The following PDE3A variants were observed in gnomAD, a reference collection of about 807,000 sequenced individuals.
PDE3A encodes the protein phosphodiesterase 3A.
PDE3A carries 43 observed loss-of-function variants against 98.3 expected under a neutral mutation model. That is an observed-to-expected ratio of 0.44 (90% CI 0.34 to 0.56). The LOEUF is 0.56. Among genes scored for constraint, PDE3A ranks in the 20% least tolerant of loss-of-function variants. The pLI, the probability that PDE3A is intolerant of heterozygous loss-of-function variation, is 0.01. For synonymous variants in PDE3A, 663 were observed against 567.9 expected, an observed-to-expected ratio of 1.17 and a Z score of -2.38; for missense variants, 1,427 against 1,440.7, an observed-to-expected ratio of 0.99 and a Z score of 0.15.
At chr12:20,397,953 T>A (rs547377432) in intron 1 of PDE3A, among the ~76,000 whole-genome samples, 1 of 152,224 alleles carries the variant, frequency 6.6e-6, no homozygotes, top group Admixed American at 6.5e-5. Context: ...AGTAGATGAT[T>A]TATTGAATAC....
intron 1 of PDE3A, among the ~76,000 whole-genome samples, chr12:20,482,606 T>C (rs748109699): frequency 6.6e-6 from 1 of 152,234 alleles, no homozygotes; most frequent in Non-Finnish European, 1.5e-5. Flanking sequence ...ACTAAGTATG[T>C]CTGACTGTTT....
At chr12:20,415,468 G>A (rs948232489) in intron 1 of PDE3A, among the ~76,000 whole-genome samples, 11 of 151,226 alleles carry the variant, frequency 7.3e-5, no homozygotes, top group East Asian at 5.8e-4. Context: ...TTCCCAGACC[G>A]GAGTGCAGTG....
At chr12:20,553,880 C>G (rs1942288100) in intron 1 of PDE3A, among the ~76,000 whole-genome samples, 1 of 151,820 alleles carries the variant, frequency 6.6e-6, no homozygotes, top group Admixed American at 6.6e-5. Flanking sequence ...TGCGGTCATC[C>G]AGTTCTTCCT....
In PDE3A at chr12:20,686,086, A is replaced by G. The variant is rs1355425643; in HGVS notation, c.*5815A>G. 6.6e-6 allele frequency among the ~76,000 whole-genome samples: 1 copy of G among 152,190 alleles called. No individual in the cohort carries two copies. Among genetic ancestry groups the G allele is most frequent in the African/African-American group, 2.4e-5 (1 of 41,462 alleles). ...ATTTTCATATACTCAGAGGCTGAAT[A>G]TTTTGATATAATAAGAACTAGTATC... On this transcript the variant is annotated 3_prime_UTR_variant, in exon 16 of 16. Coordinates refer to ENST00000359062, the MANE Select transcript of PDE3A (RefSeq NM_000921.5).
chr12:20,452,056 G>A lies in PDE3A; in HGVS notation c.960+81812G>A, dbSNP rs549663016. Among the ~76,000 whole-genome samples the A allele has an allele frequency of 3.7e-4, 57 of 152,246 alleles. 1 individual carries two copies. The highest frequency in any genetic ancestry group is 2.7e-3 in the South Asian group (13 of 4,824). ...TGCTCCGATAGGTCTCAGCTTAGATGTTACTTCTTGGAATGCTTCCCTGGA... is the reference window on the plus strand; with the variant it reads ...TGCTCCGATAGGTCTCAGCTTAGATATTACTTCTTGGAATGCTTCCCTGGA... On this transcript the variant is annotated intron_variant, in intron 1 of 15. Transcript: ENST00000359062.
At chr12:20,486,720 G>A (rs550377508) in intron 1 of PDE3A, among the ~76,000 whole-genome samples, 4 of 152,240 alleles carry the variant, frequency 2.6e-5, no homozygotes, top group African/African-American at 7.2e-5. Flanking sequence ...TGCAACCCCC[G>A]CCTTCCAGGT....
Position 20,681,266 on chromosome 12 carries a change from C to T in PDE3A, c.*995C>T, listed in dbSNP as rs1299679868. Reference sequence around the variant, plus strand: ...AGTATGGATGTCACTCAACTAAGATCAAATCACCATTTAAGGGGATGGCAT... The same window carrying T: ...AGTATGGATGTCACTCAACTAAGATTAAATCACCATTTAAGGGGATGGCAT... On this transcript the variant is annotated 3_prime_UTR_variant, in exon 16 of 16. Coordinates refer to ENST00000359062, the MANE Select transcript of PDE3A (RefSeq NM_000921.5). 6.6e-6 allele frequency: 1 copy of T among 152,170 alleles called. No individual in the cohort carries two copies. The highest frequency in any genetic ancestry group is 1.5e-5 in the Non-Finnish European group (1 of 68,034). The allele number at this position is 152,170 out of a possible 1,614,324, so 9.4% of individuals were successfully genotyped here.
intron 5 of PDE3A, among the ~76,000 whole-genome samples, chr12:20,623,496 C>T (rs1275259512): frequency 6.6e-6 from 1 of 152,020 alleles, no homozygotes; most frequent in Non-Finnish European, 1.5e-5. Flanking sequence ...ATATTTTCTT[C>T]AAATTTCTGA....
chr12:20,676,111 T>C (rs1945631612), intron 15 of PDE3A, among the ~76,000 whole-genome samples: 1 of 152,168 alleles, frequency 6.6e-6, no homozygotes, highest in African/African-American at 2.4e-5. Context: ...GGTGGTTTTC[T>C]GTAGTGCTAA....
chr12:20,594,426 T>C (rs1394153980), intron 2 of PDE3A, among the ~76,000 whole-genome samples: 1 of 152,138 alleles, frequency 6.6e-6, no homozygotes, highest in African/African-American at 2.4e-5. Context: ...TAGAAATTCA[T>C]ATGAAGCCGA....
At chr12:20,644,441 T>C (rs1191931664) in intron 10 of PDE3A, among the ~76,000 whole-genome samples, 1 of 152,182 alleles carries the variant, frequency 6.6e-6, no homozygotes, top group African/African-American at 2.4e-5. Flanking sequence ...ATTTTTAAGA[T>C]AAATAAGACT....
At chr12:20,679,664 A>G (rs916348510) in intron 15 of PDE3A, among the ~76,000 whole-genome samples, 2 of 152,052 alleles carry the variant, frequency 1.3e-5, no homozygotes, top group Non-Finnish European at 2.9e-5. Context: ...GACTAACAAG[A>G]AGTTATTTCA....
At chr12:20,621,242 C>T (rs1289262551) in intron 4 of PDE3A, 54 bp from the exon 5 acceptor site, 5 of 1,007,580 alleles carry the variant, frequency 5.0e-6, no homozygotes, top group Non-Finnish European at 6.3e-6. Flanking sequence ...GGCCCAATAA[C>T]TGATGAATAA....
intron 2 of PDE3A, among the ~76,000 whole-genome samples, chr12:20,603,677 C>A (rs1943647182): frequency 6.6e-6 from 1 of 152,148 alleles, no homozygotes. Flanking sequence ...ACATACATTT[C>A]TTTGCACACA....
At chr12:20,440,875 T>A (rs1283232623) in intron 1 of PDE3A, among the ~76,000 whole-genome samples, 6 of 151,916 alleles carry the variant, frequency 3.9e-5, no homozygotes, top group Non-Finnish European at 7.4e-5. Context: ...TGCCATGCCA[T>A]TTTAGAATGA....
intron 1 of PDE3A, among the ~76,000 whole-genome samples, chr12:20,531,421 TGA>T (rs1941595929): frequency 6.6e-6 from 1 of 152,206 alleles, no homozygotes; most frequent in South Asian, 2.1e-4. Flanking sequence ...AATGTATAGT[TGA>T]GTTTTAAAAT....
At chr12:20,572,174 A>G (rs1448084679) in intron 2 of PDE3A, 1 of 1,209,136 alleles carries the variant, frequency 8.3e-7, no homozygotes, top group Non-Finnish European at 1.1e-6. Context: ...GGGAAAAGGT[A>G]TGAATAACCT....
At chr12:20,652,380 C>A (rs554515644) in intron 14 of PDE3A, among the ~76,000 whole-genome samples, 1 of 111,184 alleles carries the variant, frequency 9.0e-6, no homozygotes, top group Non-Finnish European at 2.1e-5. Context: ...TTTACAGTCC[C>A]ACCAACAGTG....
chr12:20,451,101 C>G (rs1421651233), intron 1 of PDE3A, among the ~76,000 whole-genome samples: 1 of 152,078 alleles, frequency 6.6e-6, no homozygotes, highest in African/African-American at 2.4e-5. Flanking sequence ...AGCAAAAATT[C>G]TAGTATTTGG....
Sources: allele counts gnomAD v4.1 joint callset (sites outside exome capture counted in the v4.1 genomes callset), GRCh38; gene constraint gnomAD v4.1.1; transcripts MANE v1.5; gene names NCBI Gene and HGNC (gene_info 2026-07-23, HGNC 2026-07-21).